The following MAGT1 variants were observed in gnomAD, a reference collection of about 807,000 sequenced individuals.
MAGT1 encodes dolichyl-diphosphooligosaccharide--protein glycosyltransferase subunit MAGT1.
A neutral mutation model predicts 28.4 loss-of-function variants in MAGT1; 4 were observed. The observed-to-expected ratio is 0.14, with a 90% CI of 0.07 to 0.32. The LOEUF (loss-of-function observed/expected upper bound fraction) is 0.32. Among genes scored for constraint, MAGT1 ranks in the 10% least tolerant of loss-of-function variants. The pLI, the probability that MAGT1 is intolerant of heterozygous loss-of-function variation, is 1.00. For synonymous variants in MAGT1, 89 were observed against 89.7 expected (o/e 0.99, Z 0.04); for missense variants, 193 against 264.5 (o/e 0.73, Z 1.88).
chrX:77,880,957 C>CAAAAAA (rs11285161), intron 1 of MAGT1, among the ~76,000 whole-genome samples: 3 of 35,446 alleles, frequency 8.5e-5, no homozygotes, highest in African/African-American at 1.2e-4. Flanking sequence ...GAATCTGTCT[C>CAAAAAA]AAAAAAAAAA....
chrX:77,843,127 C>A (rs929451190), intron 7 of MAGT1, among the ~76,000 whole-genome samples: 16 of 112,245 alleles, frequency 1.4e-4, no homozygotes, highest in Admixed American at 1.2e-3. Flanking sequence ...TATCATTAAG[C>A]GGAAAGGGAA....
intron 1 of MAGT1, among the ~76,000 whole-genome samples, chrX:77,890,371 T>C (rs987055121): frequency 8.9e-6 from 1 of 112,121 alleles, no homozygotes; most frequent in Admixed American, 9.5e-5. Flanking sequence ...AACAGAGAAG[T>C]GAGCATTTTT....
chrX:77,883,060 A>G (rs1368257010), intron 1 of MAGT1, among the ~76,000 whole-genome samples: 1 of 100,540 alleles, frequency 9.9e-6, no homozygotes, highest in Admixed American at 1.2e-4. Flanking sequence ...TTATATTAAT[A>G]TAATAATATA....
At chrX:77,850,848 A>C (rs971854586) in intron 7 of MAGT1, among the ~76,000 whole-genome samples, 25 of 112,192 alleles carry the variant, frequency 2.2e-4, no homozygotes, top group Non-Finnish European at 1.9e-5. Flanking sequence ...TACAATTTTA[A>C]TTGCTCTTTT....
chrX:77,838,595 T>C (rs1371743414), intron 8 of MAGT1, among the ~76,000 whole-genome samples: 1 of 109,325 alleles, frequency 9.1e-6, no homozygotes, highest in Non-Finnish European at 1.9e-5. Flanking sequence ...CCGTCTCTAC[T>C]AAAAATACAA....
intron 1 of MAGT1, among the ~76,000 whole-genome samples, chrX:77,881,064 T>A (rs1344493366): frequency 5.6e-5 from 6 of 107,487 alleles, no homozygotes; most frequent in Non-Finnish European, 7.7e-5. Flanking sequence ...TGGGAGAGAA[T>A]GAACCAGGAG....
At chrX:77,864,958 C>T (rs2077004606) in intron 3 of MAGT1, among the ~76,000 whole-genome samples, 1 of 112,304 alleles carries the variant, frequency 8.9e-6, no homozygotes, top group Non-Finnish European at 1.9e-5. Flanking sequence ...GTGATCCCCA[C>T]GCCTTGGCCT....
chrX:77,856,710 T>C lies in MAGT1; in HGVS notation c.672+23A>G, dbSNP rs782503754. On this transcript the variant is annotated intron_variant, in intron 5 of 9. Coordinates refer to ENST00000618282, the MANE Select transcript of MAGT1 (RefSeq NM_001367916.1). ...ATTAGGAATTTTATTCAAATAATTT[T>C]TTGTCTTCTGAAATTCACTCACCAA... The C allele has an allele frequency of 8.3e-5, 99 of 1,198,804 alleles. 3 individuals carry two copies. The South Asian group carries it at 1.5e-3, about 18-fold the overall frequency.
intron 8 of MAGT1, among the ~76,000 whole-genome samples, chrX:77,838,758 G>GAA (rs571108381): frequency 4.4e-5 from 3 of 67,734 alleles, no homozygotes; most frequent in South Asian, 7.1e-4. Context: ...ACTCCGTCTC[G>GAA]AAAAAAAAAA....
chrX:77,870,873 C>A lies in MAGT1; in HGVS notation c.325G>T (p.Ala109Ser). The A allele has an allele frequency of 8.3e-7, 1 of 1,210,832 alleles. No individual in the cohort carries two copies. Residue 109 changes from alanine to serine, a missense_variant, in exon 3 of 10, where the codon GCA becomes TCA. By Grantham distance (99) the Ala-to-Ser change is moderately conservative. Coordinates refer to ENST00000618282, the MANE Select transcript of MAGT1 (RefSeq NM_001367916.1). Reference sequence around the variant, plus strand: ...GCAAAAAATATCCTGTTGGTGAATGCACTGGAGTATCGCCAGGAGTTTGCC... The same window carrying A: ...GCAAAAAATATCCTGTTGGTGAATGAACTGGAGTATCGCCAGGAGTTTGCC... ...ILANSWRYSS[A>S]FTNRIFFAMV...
chrX:77,860,760 C>T (rs782358371), intron 3 of MAGT1, among the ~76,000 whole-genome samples: 8 of 111,724 alleles, frequency 7.2e-5, no homozygotes, highest in Admixed American at 2.8e-4. Context: ...CCAGCCTGGG[C>T]GACAGAGTGA....
upstream of MAGT1, chrX:77,895,455 G>T (rs2077096455): frequency 9.2e-6 from 11 of 1,198,012 alleles, no homozygotes; most frequent in Non-Finnish European, 1.2e-5. Flanking sequence ...CTCCGGCTAG[G>T]TCTGAGGGTG....
chrX:77,892,164 G>A (rs2149030544), intron 1 of MAGT1, among the ~76,000 whole-genome samples: 1 of 111,036 alleles, frequency 9.0e-6, no homozygotes, highest in Admixed American at 9.6e-5. Flanking sequence ...CAAAGTGCTG[G>A]GATTACAGGC....
rs190047749 is a variant in MAGT1, at chrX:77,882,102, T to A, written c.103-6505A>T. 2.8e-3 allele frequency among the ~76,000 whole-genome samples: 314 copies of A among 112,220 alleles called. 7 individuals carry two copies. In the Admixed American group the frequency reaches 0.028, roughly 10 times the overall value. ...GCCTTTGACAAAATTCAACAGCACT[T>A]CATGCTAAAAACTCTCAATAAATTA... On this transcript the variant is annotated intron_variant, in intron 1 of 9. Transcript: ENST00000618282.
chrX:77,891,259 A>C (rs1177944223), intron 1 of MAGT1, among the ~76,000 whole-genome samples: 7 of 110,760 alleles, frequency 6.3e-5, no homozygotes, highest in African/African-American at 2.0e-4. Context: ...AGTTTCTTAG[A>C]GCTGTGCTTC....
At chrX:77,864,910 C>A (rs782105693) in intron 3 of MAGT1, among the ~76,000 whole-genome samples, 25 of 111,604 alleles carry the variant, frequency 2.2e-4, no homozygotes, top group Non-Finnish European at 3.8e-4. Context: ...TGGGATTTCA[C>A]CATGTTGGCC....
At chrX:77,883,113 A>G (rs1557218667) in intron 1 of MAGT1, among the ~76,000 whole-genome samples, 2 of 102,365 alleles carry the variant, frequency 2.0e-5, no homozygotes, top group Non-Finnish European at 3.9e-5. Context: ...TAACATAATT[A>G]TATTATAATA....
At chrX:77,848,002 T>C (rs1380494999) in intron 7 of MAGT1, among the ~76,000 whole-genome samples, 2 of 111,951 alleles carry the variant, frequency 1.8e-5, no homozygotes, top group Non-Finnish European at 3.8e-5. Context: ...CTTTTTATCA[T>C]GGTTTATGTG....
chrX:77,893,881 C>T (rs1193184020), intron 1 of MAGT1, among the ~76,000 whole-genome samples: 2 of 106,604 alleles, frequency 1.9e-5, no homozygotes, highest in Admixed American at 2.0e-4. Context: ...CCAGCCTGGG[C>T]AACAGAGCGA....
Sources: gnomAD v4.1 joint callset for allele counts (sites outside exome capture counted in the v4.1 genomes callset) on GRCh38, gnomAD v4.1.1 for gene constraint, MANE v1.5 for transcripts, NCBI Gene and HGNC (gene_info 2026-07-23, HGNC 2026-07-21) for gene names.